The following ZNF765 variants were observed in gnomAD, a reference collection of about 807,000 sequenced individuals.
ZNF765 encodes zinc finger protein 765.
ZNF765 carries 37 observed loss-of-function variants against 44.7 expected under a neutral mutation model. The ratio of observed to expected loss-of-function variants is 0.83; its 90% CI spans 0.64 to 1.09. The LOEUF (loss-of-function observed/expected upper bound fraction) is 1.09. Ranked by LOEUF, ZNF765 falls within the 50% of genes least tolerant of loss-of-function variation. The pLI, the probability that ZNF765 is intolerant of heterozygous loss-of-function variation, is 0.00. For synonymous variants in ZNF765, 201 were observed against 213.7 expected (o/e 0.94, Z 0.52); for missense variants, 594 against 626.1 (o/e 0.95, Z 0.55).
At chr19:53,403,375 C>G (rs962178052) in intron 3 of ZNF765, among the ~76,000 whole-genome samples, 1 of 151,666 alleles carries the variant, frequency 6.6e-6, no homozygotes, top group Non-Finnish European at 1.5e-5. Context: ...TTTTTTTGTT[C>G]TTCATTTCTC....
At chr19:53,425,689 A>G (rs79219437) in exon 4 of ZNF765, 22 of 151,366 alleles carry the variant, frequency 1.5e-4, no homozygotes, top group Non-Finnish European at 1.9e-4. Flanking sequence ...GGGTCAGTAG[A>G]CGCAGGGGTG....
intron 3 of ZNF765, among the ~76,000 whole-genome samples, chr19:53,418,618 C>T (rs1453560801): frequency 2.6e-5 from 4 of 151,786 alleles, no homozygotes; most frequent in Non-Finnish European, 4.4e-5. Flanking sequence ...CAGATATGGC[C>T]GGGCATCGGG....
At chr19:53,419,420 T>C (rs558381056) in intron 3 of ZNF765, among the ~76,000 whole-genome samples, 113 of 152,322 alleles carry the variant, frequency 7.4e-4, no homozygotes, top group African/African-American at 2.6e-3. Context: ...TGTTTCTCTA[T>C]TGAAAACATA....
chr19:53,406,845 G>A (rs1002919123), intron 3 of ZNF765, among the ~76,000 whole-genome samples: 1 of 152,218 alleles, frequency 6.6e-6, no homozygotes, highest in Admixed American at 6.5e-5. Context: ...AACCCAAAAG[G>A]TGGAGGTTGC....
chr19:53,406,267 G>C (rs1207654235), intron 3 of ZNF765, among the ~76,000 whole-genome samples: 3 of 151,752 alleles, frequency 2.0e-5, no homozygotes, highest in Admixed American at 2.0e-4. Context: ...CTCACCTCAT[G>C]ATCTGCCCAC....
In ZNF765 at chr19:53,410,006, GATAAATGCAGA is replaced by G. The variant is rs1391736376; in HGVS notation, c.*892_*902del. ...TAATGAAGAGAGATCCTACAAGTGT[GATAAATGCAGA>G]ATAAATGCAGAAAATTTTTCAGACA... On this transcript the variant is annotated 3_prime_UTR_variant, in exon 4 of 4. Coordinates refer to ENST00000396408, the MANE Select transcript of ZNF765 (RefSeq NM_001040185.3). The G allele has an allele frequency of 1.2e-4, 63 of 520,692 alleles. No individual in the cohort carries two copies. Among genetic ancestry groups the G allele is most frequent in the East Asian group, 5.9e-4 (11 of 18,648 alleles). 32.3% of individuals were successfully genotyped at this position (520,692 alleles called of 1,614,324 possible).
chr19:53,419,247 G>A (rs1225087885), intron 3 of ZNF765, among the ~76,000 whole-genome samples: 6 of 152,128 alleles, frequency 3.9e-5, no homozygotes, highest in Non-Finnish European at 8.8e-5. Context: ...GAGTTTTAAG[G>A]ATAATTAGAA....
chr19:53,408,119 T>A lies in ZNF765; in HGVS notation c.564T>A (p.Ile188=), dbSNP rs2147097496. Residue 188 remains isoleucine (I), a synonymous_variant, in exon 4 of 4, where the codon ATT becomes ATA. Transcript: ENST00000396408. ...QRISCRPETH[I]SNDYGNNFLN... ...TTTCTTGTAGGCCTGAAACCCATAT[T>A]TCTAATGACTATGGGAATAATTTCC... The A allele has an allele frequency of 6.2e-7, 1 of 1,614,086 alleles. No homozygotes were observed. The highest frequency in any genetic ancestry group is 2.2e-5 in the East Asian group (1 of 44,874).
chr19:53,396,432 G>A (rs772186444), intron 1 of ZNF765, among the ~76,000 whole-genome samples: 28 of 152,228 alleles, frequency 1.8e-4, no homozygotes, highest in Non-Finnish European at 2.8e-4. Flanking sequence ...ACAGAGTGGG[G>A]TTTTTATAAG....
At chr19:53,407,640 T>G in intron 3 of ZNF765, 58 bp from the exon 4 acceptor site, 1 of 1,301,196 alleles carries the variant, frequency 7.7e-7, no homozygotes, top group South Asian at 1.7e-5. Context: ...TTTACACATT[T>G]CAGCATTATT....
chr19:53,416,479 A>G (rs2085875730), downstream of ZNF765, among the ~76,000 whole-genome samples: 1 of 152,158 alleles, frequency 6.6e-6, no homozygotes, highest in Non-Finnish European at 1.5e-5. Context: ...TCCTTTTTGC[A>G]GGTAACATAA....
chr19:53,416,292 C>T (rs1007422716), downstream of ZNF765, among the ~76,000 whole-genome samples: 3 of 152,054 alleles, frequency 2.0e-5, no homozygotes, highest in Admixed American at 2.0e-4. Context: ...TTTAGTCCCA[C>T]CTACTCAGGA....
chr19:53,409,428 A>C lies in ZNF765; in HGVS notation c.*301A>C, dbSNP rs1289622123. The C allele has an allele frequency of 1.2e-6, 1 of 851,670 alleles. No homozygotes were observed. The highest frequency in any genetic ancestry group is 2.5e-5 in the East Asian group (1 of 40,814). 52.8% of individuals were successfully genotyped at this position (851,670 alleles called of 1,614,324 possible). Reference sequence around the variant, plus strand: ...AATCCAACCTTGAAAGACATAGGAGAATTCACACTGGTGAGAAACCTTACA... The same window carrying C: ...AATCCAACCTTGAAAGACATAGGAGCATTCACACTGGTGAGAAACCTTACA... On this transcript the variant is annotated 3_prime_UTR_variant, in exon 4 of 4. Transcript: ENST00000396408.
rs35520888 is a variant in ZNF765, at chr19:53,400,763, C to CATATATATAT, written c.16-1290_16-1281dup. Among the ~76,000 whole-genome samples, 61 of 116,818 alleles carry CATATATATAT rather than the reference C, an allele frequency of 5.2e-4. 1 individual carries two copies. Among genetic ancestry groups the CATATATATAT allele is most frequent in the African/African-American group, 9.2e-4 (28 of 30,314 alleles). 76.6% of individuals were successfully genotyped at this position (116,818 alleles called of 152,430 possible). On this transcript the variant is annotated intron_variant, in intron 2 of 3. Transcript: ENST00000396408. ...CTGTGTAGGTTTCATTATTTGTTGA[C>CATATATATAT]ATATATATATATATATATATACACA...
Position 53,407,856 on chromosome 19 carries a change from T to C in ZNF765, c.301T>C (p.Trp101Arg). Reference sequence around the variant, plus strand: ...AGATATTCATGACATTGAGTTTCAGTGGCAAGAAGATGAAAGAAATGGCCA... The same window carrying C: ...AGATATTCATGACATTGAGTTTCAGCGGCAAGAAGATGAAAGAAATGGCCA... The part of the protein sequence containing the change: ...DKDIHDIEFQ[W>R]QEDERNGHEA... Residue 101 changes from tryptophan to arginine, a missense_variant, in exon 4 of 4, where the codon TGG becomes CGG. Transcript: ENST00000396408. 6.2e-7 allele frequency: 1 copy of C among 1,613,708 alleles called. No individual in the cohort carries two copies. The highest frequency in any genetic ancestry group is 8.5e-7 in the Non-Finnish European group (1 of 1,179,878).
intron 3 of ZNF765, among the ~76,000 whole-genome samples, chr19:53,420,084 A>G (rs1267994035): frequency 6.6e-6 from 1 of 152,036 alleles, no homozygotes; most frequent in East Asian, 1.9e-4. Flanking sequence ...CTGTAATCCC[A>G]GCACTTTGGG....
At chr19:53,404,753 C>T (rs1156876882) in intron 3 of ZNF765, among the ~76,000 whole-genome samples, 1 of 152,172 alleles carries the variant, frequency 6.6e-6, no homozygotes, top group African/African-American at 2.4e-5. Context: ...AACCACCATG[C>T]CTGGCCAGCC....
downstream of ZNF765, among the ~76,000 whole-genome samples, chr19:53,416,289 C>T (rs1317270057): frequency 6.6e-6 from 1 of 151,982 alleles, no homozygotes; most frequent in Non-Finnish European, 1.5e-5. Context: ...GCCTTTAGTC[C>T]CACCTACTCA....
At chr19:53,416,300 G>A (rs1260361232), downstream of ZNF765, among the ~76,000 whole-genome samples, 11 of 152,140 alleles carry the variant, frequency 7.2e-5, no homozygotes, top group African/African-American at 2.7e-4. Flanking sequence ...CACCTACTCA[G>A]GAGGCTGAGG....
Sources: allele counts gnomAD v4.1 joint callset (sites outside exome capture counted in the v4.1 genomes callset), GRCh38; gene constraint gnomAD v4.1.1; transcripts MANE v1.5; gene names NCBI Gene and HGNC (gene_info 2026-07-23, HGNC 2026-07-21).